Variants in ROBO2 observed in about 807,000 individuals in gnomAD.
ROBO2 encodes roundabout guidance receptor 2.
A neutral mutation model predicts 160.8 loss-of-function variants in ROBO2; 53 were observed. The ratio of observed to expected loss-of-function variants is 0.33; its 90% CI spans 0.26 to 0.41. ROBO2 has a LOEUF of 0.41. Ranked by LOEUF, ROBO2 falls within the 10% of genes least tolerant of loss-of-function variation. ROBO2 has a pLI of 1.00. For missense variants in ROBO2, 1,577 were observed against 1,722.4 expected (o/e 0.92, Z 1.49); for synonymous variants, 664 against 611.7 (o/e 1.09, Z -1.26).
Position 77,628,098 on chromosome 3 carries a change from A to AT in ROBO2, c.3760+5675dup, listed in dbSNP as rs1004821559. ...CTTTAACAGCTTGAATACATTTGAG[A>AT]TTTTTTTTTGCCTTTTCTGCAATTT... On this transcript the variant is annotated intron_variant, in intron 23 of 25. Coordinates refer to ENST00000461745, the Ensembl canonical transcript of ROBO2. Among the ~76,000 whole-genome samples the AT allele has an allele frequency of 4.6e-5, 7 of 151,588 alleles. No homozygotes were observed. The East Asian group carries it at 5.8e-4, about 13-fold the overall frequency.
chr3:77,414,259 A>G (rs986540441), intron 2 of ROBO2, among the ~76,000 whole-genome samples: 1 of 152,216 alleles, frequency 6.6e-6, no homozygotes, highest in Non-Finnish European at 1.5e-5. Flanking sequence ...TGGAAACAGC[A>G]ATGTGGAGAT....
At chr3:76,465,033 G>A (rs2078288782) in intron 2 of ROBO2, among the ~76,000 whole-genome samples, 1 of 152,002 alleles carries the variant, frequency 6.6e-6, no homozygotes, top group African/African-American at 2.4e-5. Flanking sequence ...TATTCTATTG[G>A]TTTGGTAAAC....
chr3:76,737,246 A>G (rs1454659119), intron 2 of ROBO2, among the ~76,000 whole-genome samples: 1 of 152,118 alleles, frequency 6.6e-6, no homozygotes, highest in Non-Finnish European at 1.5e-5. Flanking sequence ...TTATAGTAAG[A>G]AAGAGACTTC....
At chr3:76,580,317 G>GTTTTTTTTTTTTTTTTTTTTTTTTTTTTT (rs1329634324) in intron 2 of ROBO2, among the ~76,000 whole-genome samples, 1 of 38,846 alleles carries the variant, frequency 2.6e-5, no homozygotes, top group Non-Finnish European at 6.9e-5. Flanking sequence ...CCCAACCCCT[G>GTTTTTTTTTTTTTTTTTTTTTTTTTTTTT]TTTTTTTTTT....
chr3:76,331,882 C>G (rs1304920742), intron 2 of ROBO2, among the ~76,000 whole-genome samples: 1 of 151,894 alleles, frequency 6.6e-6, no homozygotes, highest in Admixed American at 6.6e-5. Context: ...CGGAGTTTCA[C>G]TATATCGGTC....
chr3:76,745,787 T>A (rs565481382), intron 2 of ROBO2, among the ~76,000 whole-genome samples: 121 of 141,648 alleles, frequency 8.5e-4, no homozygotes, highest in African/African-American at 2.3e-3. Flanking sequence ...ATAATTTTTT[T>A]AAAAAATTTA....
At chr3:76,473,205 A>T (rs1405766393) in intron 2 of ROBO2, among the ~76,000 whole-genome samples, 1 of 152,044 alleles carries the variant, frequency 6.6e-6, no homozygotes, top group Non-Finnish European at 1.5e-5. Context: ...TCTATATGTA[A>T]TTCAACTTGT....
intron 4 of ROBO2, among the ~76,000 whole-genome samples, chr3:77,491,875 T>C (rs936477284): frequency 6.6e-6 from 1 of 152,218 alleles, no homozygotes; most frequent in Non-Finnish European, 1.5e-5. Flanking sequence ...ATAGTCTTCC[T>C]TCTAAATGCC....
intron 5 of ROBO2, among the ~76,000 whole-genome samples, chr3:77,497,911 T>C (rs568411610): frequency 7.8e-4 from 119 of 152,228 alleles, no homozygotes; most frequent in Non-Finnish European, 1.5e-3. Context: ...GTATAATACA[T>C]TTGTAACCAA....
At chr3:77,221,810 G>A (rs1398524984) in intron 2 of ROBO2, among the ~76,000 whole-genome samples, 3 of 151,080 alleles carry the variant, frequency 2.0e-5, no homozygotes, top group Admixed American at 2.0e-4. Context: ...TTAAAAAATT[G>A]ATAGCCCAAT....
intron 2 of ROBO2, among the ~76,000 whole-genome samples, chr3:76,219,991 G>A (rs1469027850): frequency 6.6e-6 from 1 of 151,950 alleles, no homozygotes; most frequent in African/African-American, 2.4e-5. Context: ...GGAATACTAT[G>A]CAGCCATAAA....
intron 2 of ROBO2, among the ~76,000 whole-genome samples, chr3:76,001,538 A>G (rs1041423964): frequency 6.6e-6 from 1 of 150,810 alleles, no homozygotes; most frequent in Non-Finnish European, 1.5e-5. Flanking sequence ...GTATGTGTGT[A>G]TGTGTGTGTG....
chr3:76,462,269 A>G (rs2078127061), intron 2 of ROBO2, among the ~76,000 whole-genome samples: 1 of 152,178 alleles, frequency 6.6e-6, no homozygotes, highest in African/African-American at 2.4e-5. Context: ...TTCAGGTGTA[A>G]GTCTTCAGGC....
At chr3:77,341,360 G>A (rs2067037744) in intron 2 of ROBO2, among the ~76,000 whole-genome samples, 1 of 152,208 alleles carries the variant, frequency 6.6e-6, no homozygotes, top group African/African-American at 2.4e-5. Flanking sequence ...CAGAACAAAT[G>A]GAAGAGCAAA....
At chr3:76,452,161 C>A (rs978743958) in intron 2 of ROBO2, among the ~76,000 whole-genome samples, 7 of 151,784 alleles carry the variant, frequency 4.6e-5, no homozygotes, top group African/African-American at 1.7e-4. Flanking sequence ...TTGCTTTTCT[C>A]TTCCAACTTA....
intron 2 of ROBO2, among the ~76,000 whole-genome samples, chr3:76,086,435 C>G (rs1052451137): frequency 5.9e-5 from 9 of 152,180 alleles, no homozygotes; most frequent in South Asian, 2.1e-4. Flanking sequence ...CCATATCACC[C>G]AACTTCAGCC....
chr3:75,944,781 T>G (rs1160777897), intron 2 of ROBO2, among the ~76,000 whole-genome samples: 1 of 152,202 alleles, frequency 6.6e-6, no homozygotes, highest in Non-Finnish European at 1.5e-5. Flanking sequence ...ATAATTGGGA[T>G]GCAATTGTTT....
chr3:76,634,248 T>G (rs2090189612), intron 2 of ROBO2, among the ~76,000 whole-genome samples: 1 of 152,152 alleles, frequency 6.6e-6, no homozygotes. Flanking sequence ...CTGGTTTCAC[T>G]TTTGTGGGTC....
upstream of ROBO2, among the ~76,000 whole-genome samples, chr3:77,035,533 C>T (rs1055059417): frequency 2.6e-5 from 4 of 151,832 alleles, no homozygotes; most frequent in African/African-American, 9.7e-5. Flanking sequence ...TTTAAATGAA[C>T]TATTACTATA....
Sources: gnomAD v4.1 joint callset for allele counts (sites outside exome capture counted in the v4.1 genomes callset) on GRCh38, gnomAD v4.1.1 for gene constraint, MANE v1.5 for transcripts, NCBI Gene and HGNC (gene_info 2026-07-23, HGNC 2026-07-21) for gene names.